The following DST variants were observed in gnomAD, a reference collection of about 807,000 sequenced individuals.
DST encodes bullous pemphigoid antigen.
Under a neutral mutation model 875.2 loss-of-function variants are expected in DST, and 253 were observed. That is an observed-to-expected ratio of 0.29 (90% CI 0.26 to 0.32). DST has a LOEUF of 0.32. Ranked by LOEUF, DST falls within the 10% of genes least tolerant of loss-of-function variation. DST has a pLI of 1.00. For missense variants in DST, 8,287 were observed against 9,111.6 expected (o/e 0.91, Z 3.68); for synonymous variants, 3,124 against 3,197.1 (o/e 0.98, Z 0.77).
At chr6:56,850,567 C>G (rs182948942) in intron 4 of DST, among the ~76,000 whole-genome samples, 65 of 152,236 alleles carry the variant, frequency 4.3e-4, no homozygotes, top group Admixed American at 7.2e-4. Flanking sequence ...CACATTCCAT[C>G]CTGCCCTGTT....
At chr6:56,720,349 C>CTTTTTTT (rs386407172) in intron 5 of DST, among the ~76,000 whole-genome samples, 1 of 130,226 alleles carries the variant, frequency 7.7e-6, no homozygotes, top group Non-Finnish European at 1.7e-5. Flanking sequence ...TTATCCTGTT[C>CTTTTTTT]TTTTTTTTTT....
chr6:56,850,514 A>G (rs1764616516), intron 4 of DST, among the ~76,000 whole-genome samples: 1 of 152,144 alleles, frequency 6.6e-6, no homozygotes, highest in African/African-American at 2.4e-5. Context: ...AACAAACTTA[A>G]AGAACACCTG....
intron 9 of DST, among the ~76,000 whole-genome samples, chr6:56,682,992 A>C (rs991715071): frequency 1.3e-5 from 2 of 152,176 alleles, no homozygotes; most frequent in Non-Finnish European, 2.9e-5. Context: ...TCTACAAAAC[A>C]CTCAACTGTT....
In DST at chr6:56,506,799, G is replaced by C. The variant is rs763787804; in HGVS notation, c.19240-10C>G. ...TTTCTTCCCTTATGGTCTAGAATAAGAAAATGACAGCCTTAGAATTTTAAG... is the reference window on the plus strand; with the variant it reads ...TTTCTTCCCTTATGGTCTAGAATAACAAAATGACAGCCTTAGAATTTTAAG... On this transcript the variant is annotated splice_polypyrimidine_tract_variant and intron_variant, in intron 75 of 103. Coordinates refer to ENST00000680361, the MANE Select transcript of DST (RefSeq NM_001374736.1). The C allele has an allele frequency of 1.6e-5, 25 of 1,601,488 alleles. No homozygotes were observed. The African/African-American group carries it at 2.2e-4, about 14-fold the overall frequency.
chr6:56,468,516 G>C (rs2094706965), intron 98 of DST, among the ~76,000 whole-genome samples: 1 of 152,146 alleles, frequency 6.6e-6, no homozygotes, highest in East Asian at 1.9e-4. Context: ...ACTTGTGGCT[G>C]AGTGCCAAGG....
chr6:56,590,347 A>G (rs551775711), intron 49 of DST, among the ~76,000 whole-genome samples: 8 of 152,318 alleles, frequency 5.3e-5, no homozygotes, highest in African/African-American at 1.9e-4. Flanking sequence ...TTTTATATGC[A>G]GTATAATCTG....
In DST at chr6:56,463,034, G is replaced by C. The variant is rs1184342023; in HGVS notation, c.23070+12C>G. ...GAGAATGTTAAGACTGGACTCTGGG[G>C]CCTTACAATACCTCTGCAGATGGCA... On this transcript the variant is annotated intron_variant, in intron 102 of 103. Transcript: ENST00000680361. 2 of 1,510,038 alleles carry C rather than the reference G, an allele frequency of 1.3e-6. No individual in the cohort carries two copies. The highest frequency in any genetic ancestry group is 1.7e-4 in the Middle Eastern group (1 of 5,864). 93.5% of individuals were successfully genotyped at this position (1,510,038 alleles called of 1,614,324 possible).
At chr6:56,485,592 T>C in intron 87 of DST, 121 bp from the exon 88 acceptor site, 3 of 933,436 alleles carry the variant, frequency 3.2e-6, no homozygotes, top group Non-Finnish European at 4.7e-6. Context: ...TATGTTGGTA[T>C]TCATTGTTGT....
At chr6:56,654,184 G>GA (rs533469062) in intron 10 of DST, among the ~76,000 whole-genome samples, 40 of 151,546 alleles carry the variant, frequency 2.6e-4, no homozygotes, top group African/African-American at 8.7e-4. Flanking sequence ...TCTTTTTATG[G>GA]AAAAAAAGGC....
rs1404094992 is a variant in DST at position 56,602,927 on chromosome 6, A to G, written c.11262T>C (p.Asn3754=). 3.8e-6 allele frequency: 6 copies of G among 1,578,058 alleles called. No individual in the cohort carries two copies. The East Asian group carries it at 1.4e-4, about 36-fold the overall frequency. The stretch of plus-strand genomic sequence containing the variant: ...TCTTTACATACTCAGAATCTTGAAC[A>G]TTCACAATCTCAATATCCTTCACAG... ...SKSVKDIEIV[N]VQDSEYVKKR... The change falls in exon 43 of 104, where the codon AAT becomes AAC. Residue 3754 remains asparagine (N), a synonymous_variant. Transcript: ENST00000680361.
At chr6:56,520,369 G>A (rs147031970) in intron 69 of DST, among the ~76,000 whole-genome samples, 68 of 152,244 alleles carry the variant, frequency 4.5e-4, no homozygotes, top group African/African-American at 1.3e-3. Context: ...TAGAAATGGA[G>A]AATAGCTTTG....
chr6:56,592,983 A>G (rs1447087895), intron 48 of DST, among the ~76,000 whole-genome samples: 2 of 152,160 alleles, frequency 1.3e-5, no homozygotes, highest in East Asian at 1.9e-4. Context: ...TCAAATATAC[A>G]AGACAAACAC....
intron 37 of DST, among the ~76,000 whole-genome samples, chr6:56,613,049 A>G (rs1472029261): frequency 1.3e-5 from 2 of 152,080 alleles, no homozygotes; most frequent in African/African-American, 2.4e-5. Flanking sequence ...ATATATACAC[A>G]TGAAACTACA....
intron 50 of DST, among the ~76,000 whole-genome samples, chr6:56,574,199 G>A (rs897105097): frequency 1.3e-5 from 2 of 151,944 alleles, no homozygotes; most frequent in Non-Finnish European, 2.9e-5. Flanking sequence ...AGAGTAGTCC[G>A]AACAGCAAAT....
At chr6:56,750,284 T>C (rs922865047) in intron 4 of DST, among the ~76,000 whole-genome samples, 1 of 151,962 alleles carries the variant, frequency 6.6e-6, no homozygotes, top group African/African-American at 2.4e-5. Context: ...TCACCTTGGG[T>C]TGATCATCTC....
intron 9 of DST, among the ~76,000 whole-genome samples, chr6:56,678,830 T>C (rs7768101): frequency 0.042 from 6,412 of 152,292 alleles, 434 homozygotes; most frequent in African/African-American, 0.14. Context: ...CAAGCTTTAC[T>C]AACGGGCCTT....
intron 4 of DST, among the ~76,000 whole-genome samples, chr6:56,752,633 A>G (rs1311283158): frequency 1.3e-5 from 2 of 152,128 alleles, no homozygotes; most frequent in East Asian, 3.8e-4. Flanking sequence ...ACTCATCCAC[A>G]CTATTACATG....
At chr6:56,816,728 G>C (rs755082318) in intron 4 of DST, among the ~76,000 whole-genome samples, 1 of 152,086 alleles carries the variant, frequency 6.6e-6, no homozygotes, top group Non-Finnish European at 1.5e-5. Context: ...GTTCGCAGTC[G>C]GGTTGGTCTA....
At chr6:56,616,807 A>C in intron 36 of DST, 2 of 1,614,186 alleles carry the variant, frequency 1.2e-6, no homozygotes, top group Non-Finnish European at 1.7e-6. Context: ...TCTTAGAAGA[A>C]TAAGAATATC....
Sources: gnomAD v4.1 joint callset for allele counts (sites outside exome capture counted in the v4.1 genomes callset) on GRCh38, gnomAD v4.1.1 for gene constraint, MANE v1.5 for transcripts, NCBI Gene and HGNC (gene_info 2026-07-23, HGNC 2026-07-21) for gene names.